NEGR1: variants seen among roughly 807,000 people sequenced by gnomAD.
NEGR1 encodes the protein neuronal growth regulator 1, also known as IgLON family member 4.
A neutral mutation model predicts 40.9 loss-of-function variants in NEGR1; 10 were observed. That is an observed-to-expected ratio of 0.24 (90% CI 0.15 to 0.42). The LOEUF (loss-of-function observed/expected upper bound fraction) is 0.42, where lower values mean the gene tolerates loss of function less well. Among genes scored for constraint, NEGR1 ranks in the 10% least tolerant of loss-of-function variants. The probability of loss-of-function intolerance (pLI) is 1.00; values close to 1 mark genes in which losing one functional copy is unlikely to be tolerated. For missense variants in NEGR1, 352 were observed against 438.9 expected, an observed-to-expected ratio of 0.80 and a Z score of 1.77; for synonymous variants, 185 against 166.8, an observed-to-expected ratio of 1.11 and a Z score of -0.84.
chr1:71,509,737 G>C (rs78996062), intron 6 of NEGR1, among the ~76,000 whole-genome samples: 1 of 152,282 alleles, frequency 6.6e-6, no homozygotes, highest in South Asian at 2.1e-4. Flanking sequence ...AAACCAAATA[G>C]CTGCTGGGTT....
chr1:71,442,173 A>G (rs1017334647), intron 6 of NEGR1, among the ~76,000 whole-genome samples: 22 of 150,278 alleles, frequency 1.5e-4, no homozygotes, highest in African/African-American at 5.1e-4. Context: ...TCCACATGTT[A>G]CTTGAAAATT....
intron 1 of NEGR1, among the ~76,000 whole-genome samples, chr1:72,091,323 C>T (rs1648482549): frequency 6.6e-6 from 1 of 151,648 alleles, no homozygotes; most frequent in African/African-American, 2.4e-5. Context: ...CTTTTTTCTT[C>T]CTCCACCACT....
At chr1:71,513,645 T>A (rs1296952776) in intron 6 of NEGR1, among the ~76,000 whole-genome samples, 1 of 152,194 alleles carries the variant, frequency 6.6e-6, no homozygotes, top group South Asian at 2.1e-4. Context: ...CCTGATTTTA[T>A]AGGAGAAACT....
chr1:71,611,127 T>C lies in NEGR1; in HGVS notation c.687A>G (p.Glu229=). The change falls in exon 5 of 7, where the codon GAA becomes GAG. Residue 229 remains glutamate (E), a synonymous_variant. Coordinates refer to ENST00000357731, the MANE Select transcript of NEGR1 (RefSeq NM_173808.3). ...VVVNFAPTIQ[E]IKSGTVTPGR... is the part of the protein sequence containing the mutation. The stretch of plus-strand genomic sequence containing the variant: ...CGGGGGTCACGGTGCCAGATTTAAT[T>C]TCCTGAATAGTAGGAGCAACTGCAA... The C allele has an allele frequency of 1.2e-6, 2 of 1,613,926 alleles. No homozygotes were observed. Among genetic ancestry groups the C allele is most frequent in the East Asian group, 4.5e-5 (2 of 44,878 alleles).
chr1:72,234,320 C>CT (rs1331560470), intron 1 of NEGR1, among the ~76,000 whole-genome samples: 1 of 152,066 alleles, frequency 6.6e-6, no homozygotes, highest in Non-Finnish European at 1.5e-5. Context: ...TAGTCTTGTT[C>CT]TTTTTTATGG....
intron 1 of NEGR1, among the ~76,000 whole-genome samples, chr1:72,005,242 G>A (rs969810157): frequency 1.3e-5 from 2 of 152,066 alleles, no homozygotes; most frequent in South Asian, 2.1e-4. Context: ...GGGATAGGGT[G>A]GGGGAGGCAA....
chr1:72,189,013 T>C (rs1327774919), intron 1 of NEGR1, among the ~76,000 whole-genome samples: 3 of 151,520 alleles, frequency 2.0e-5, no homozygotes, highest in Non-Finnish European at 3.0e-5. Context: ...TGAAAGTATA[T>C]TGTATTTTGT....
intron 3 of NEGR1, among the ~76,000 whole-genome samples, chr1:71,700,733 T>C (rs1350646): frequency 0.5 from 75,673 of 151,668 alleles, 18,907 homozygotes; most frequent in East Asian, 0.65. Context: ...GAATAATAGG[T>C]CCCCCAAAGT....
intron 3 of NEGR1, among the ~76,000 whole-genome samples, chr1:71,738,717 C>T (rs575311965): frequency 6.6e-6 from 1 of 152,188 alleles, no homozygotes; most frequent in South Asian, 2.1e-4. Flanking sequence ...GAACACAGCT[C>T]TCTGCTGGCT....
At chr1:71,698,820 TAGC>T (rs1189927690) in intron 3 of NEGR1, among the ~76,000 whole-genome samples, 1 of 151,746 alleles carries the variant, frequency 6.6e-6, no homozygotes, top group Admixed American at 6.6e-5. Flanking sequence ...TGACAAAAAA[TAGC>T]AGCAGAATAG....
intron 4 of NEGR1, among the ~76,000 whole-genome samples, chr1:71,657,723 T>G (rs192892235): frequency 2.4e-4 from 36 of 152,216 alleles, no homozygotes; most frequent in African/African-American, 8.4e-4. Flanking sequence ...TTTGATGGTT[T>G]GATCCTCCCT....
At chr1:71,834,900 C>CACACACACACACACACAA (rs1288403479) in intron 2 of NEGR1, among the ~76,000 whole-genome samples, 3 of 151,962 alleles carry the variant, frequency 2.0e-5, no homozygotes, top group Non-Finnish European at 4.4e-5. Flanking sequence ...CACACACACA[C>CACACACACACACACACAA]ACACACACAG....
chr1:71,561,797 T>C (rs1304417532), intron 6 of NEGR1, among the ~76,000 whole-genome samples: 2 of 151,674 alleles, frequency 1.3e-5, no homozygotes, highest in African/African-American at 4.8e-5. Flanking sequence ...TAGTATCTGC[T>C]CTGCCTGCAT....
intron 2 of NEGR1, among the ~76,000 whole-genome samples, chr1:71,926,213 G>T (rs1041617647): frequency 6.6e-6 from 1 of 152,038 alleles, no homozygotes; most frequent in Non-Finnish European, 1.5e-5. Context: ...TTTGGACTGT[G>T]TGTTATCAAA....
chr1:72,052,913 T>C (rs1010050119), intron 1 of NEGR1, among the ~76,000 whole-genome samples: 2 of 151,470 alleles, frequency 1.3e-5, no homozygotes, highest in East Asian at 3.9e-4. Flanking sequence ...ACTGTACTAA[T>C]TAAGAACCAG....
intron 1 of NEGR1, among the ~76,000 whole-genome samples, chr1:71,968,891 CA>C (rs1050851391): frequency 2.6e-5 from 4 of 152,044 alleles, no homozygotes; most frequent in African/African-American, 9.7e-5. Context: ...CATGATGTTT[CA>C]AAATGTTCCA....
intron 2 of NEGR1, among the ~76,000 whole-genome samples, chr1:71,927,031 C>A (rs181295541): frequency 6.6e-6 from 1 of 152,092 alleles, no homozygotes; most frequent in African/African-American, 2.4e-5. Flanking sequence ...TTCTGGAAGA[C>A]AAGCTGGTAT....
chr1:72,070,768 T>A (rs1350786280), intron 1 of NEGR1, among the ~76,000 whole-genome samples: 1 of 152,064 alleles, frequency 6.6e-6, no homozygotes, highest in Non-Finnish European at 1.5e-5. Flanking sequence ...TCTTTGATAC[T>A]TGTTATCTAC....
intron 3 of NEGR1, among the ~76,000 whole-genome samples, chr1:71,729,301 T>C (rs1219500039): frequency 6.6e-6 from 1 of 152,186 alleles, no homozygotes; most frequent in Non-Finnish European, 1.5e-5. Context: ...TGAAACATCT[T>C]CTTCCTTGCC....
Sources: allele counts gnomAD v4.1 joint callset (sites outside exome capture counted in the v4.1 genomes callset), GRCh38; gene constraint gnomAD v4.1.1; transcripts MANE v1.5; gene names NCBI Gene and HGNC (gene_info 2026-07-23, HGNC 2026-07-21).